OCM: variants seen among roughly 807,000 people sequenced by gnomAD.
OCM encodes the protein oncomodulin-1.
Under a neutral mutation model 14.1 loss-of-function variants are expected in OCM, and 18 were observed. The ratio of observed to expected loss-of-function variants is 1.28; its 90% confidence interval spans 0.88 to 1.89. The LOEUF (loss-of-function observed/expected upper bound fraction) is 1.89. OCM is among the 40% of genes most tolerant of loss of function. The pLI is 0.00. For missense variants in OCM, 140 were observed against 137.6 expected (o/e 1.02, Z -0.09); for synonymous variants, 48 against 51.0 (o/e 0.94, Z 0.25).
upstream of OCM, chr7:5,880,687 A>G (rs1305833286): frequency 1.2e-5 from 6 of 504,356 alleles, no homozygotes; most frequent in Non-Finnish European, 2.1e-5. Flanking sequence ...TGAGCCCAGG[A>G]GGCGGAGGTT....
chr7:5,863,323 G>T, the OCM span, among the ~76,000 whole-genome samples: 1 of 152,032 alleles, frequency 6.6e-6, no homozygotes, highest in African/African-American at 2.4e-5. Flanking sequence ...TCAAACTGCT[G>T]CATCAACCTC....
At chr7:5,864,041 A>G in the OCM span, among the ~76,000 whole-genome samples, 9,150 of 151,898 alleles carry the variant, frequency 0.06, 493 homozygotes, top group Admixed American at 0.19. Flanking sequence ...TCTGGGGAAC[A>G]AGGGGGGCAA....
the OCM span, among the ~76,000 whole-genome samples, chr7:5,870,750 G>C: frequency 4.6e-5 from 7 of 152,120 alleles, no homozygotes; most frequent in Non-Finnish European, 1.0e-4. Context: ...CAGCACAGAG[G>C]TTTAACACAT....
At chr7:5,877,598 C>T (rs1042620151), upstream of OCM, among the ~76,000 whole-genome samples, 1 of 151,916 alleles carries the variant, frequency 6.6e-6, no homozygotes, top group African/African-American at 2.4e-5. Flanking sequence ...GCAGGTGGAT[C>T]ACTTGAGATC....
At chr7:5,873,342 A>C in the OCM span, among the ~76,000 whole-genome samples, 4 of 152,002 alleles carry the variant, frequency 2.6e-5, no homozygotes. Flanking sequence ...TTGCCATTGC[A>C]CTCCAGACTG....
chr7:5,862,600 A>G, the OCM span, among the ~76,000 whole-genome samples: 28,327 of 151,818 alleles, frequency 0.19, 2,967 homozygotes, highest in East Asian at 0.42. Context: ...CCCTCTTTTC[A>G]TGTTTACTTT....
At chr7:5,885,160 TAAAC>T (rs1453560763) in intron 3 of OCM, among the ~76,000 whole-genome samples, 1 of 151,040 alleles carries the variant, frequency 6.6e-6, no homozygotes, top group Non-Finnish European at 1.5e-5. Context: ...GATTTCCAAA[TAAAC>T]AAAGCTTACC....
the OCM span, among the ~76,000 whole-genome samples, chr7:5,870,238 A>T: frequency 3.3e-5 from 5 of 151,980 alleles, no homozygotes; most frequent in African/African-American, 1.2e-4. Flanking sequence ...AGGCTCCTGA[A>T]TAGCTGGGAC....
At chr7:5,883,755 C>G (rs774635837) in intron 2 of OCM, 135 bp from the exon 3 acceptor site, 15 of 907,044 alleles carry the variant, frequency 1.7e-5, no homozygotes, top group Non-Finnish European at 2.1e-5. Flanking sequence ...CTTAAGGAAA[C>G]CTTTGCTTGC....
At chr7:5,882,659 C>T in intron 2 of OCM, 34 bp downstream of exon 2, 1 of 1,611,906 alleles carries the variant, frequency 6.2e-7, no homozygotes, top group Non-Finnish European at 8.5e-7. Flanking sequence ...TGGTACCCGG[C>T]ACTGCTGAGT....
chr7:5,884,460 A>T (rs972190034), intron 3 of OCM, among the ~76,000 whole-genome samples: 12 of 152,218 alleles, frequency 7.9e-5, no homozygotes, highest in African/African-American at 2.9e-4. Flanking sequence ...ATTTTATTGG[A>T]CATTAGCCCG....
the OCM span, among the ~76,000 whole-genome samples, chr7:5,870,553 A>G: frequency 6.6e-6 from 1 of 152,214 alleles, no homozygotes; most frequent in Non-Finnish European, 1.5e-5. Flanking sequence ...CCGTGTAGGA[A>G]AAGCAGGGAA....
the OCM span, among the ~76,000 whole-genome samples, chr7:5,862,430 A>T: frequency 6.6e-6 from 1 of 151,954 alleles, no homozygotes; most frequent in Non-Finnish European, 1.5e-5. Context: ...TTCAGGATAC[A>T]TCTCCCCCTA....
At chr7:5,865,955 ATCACT>A in the OCM span, among the ~76,000 whole-genome samples, 601 of 152,216 alleles carry the variant, frequency 3.9e-3, 4 homozygotes, top group African/African-American at 0.012. Flanking sequence ...AAAGATTTTA[ATCACT>A]TCAGTCCCAT....
chr7:5,881,015 A>G, intron 1 of OCM, 65 bp downstream of exon 1: 4 of 1,538,408 alleles, frequency 2.6e-6, no homozygotes, highest in East Asian at 4.5e-5. Context: ...GAGTCAACAC[A>G]AAATCAAAAT....
chr7:5,874,223 C>CAA, the OCM span, among the ~76,000 whole-genome samples: 386 of 31,504 alleles, frequency 0.012, 66 homozygotes, highest in African/African-American at 0.037. Context: ...GACTCTGTCT[C>CAA]AAAAAAAAAA....
chr7:5,868,710 G>A, the OCM span, among the ~76,000 whole-genome samples: 17 of 152,146 alleles, frequency 1.1e-4, no homozygotes, highest in African/African-American at 4.1e-4. Context: ...CACTGGGAAC[G>A]TGAAGTCTGA....
At chr7:5,861,888 A>G in the OCM span, among the ~76,000 whole-genome samples, 3 of 151,874 alleles carry the variant, frequency 2.0e-5, no homozygotes, top group East Asian at 5.8e-4. Context: ...CTACTTTTTA[A>G]TTTAAAAAAA....
chr7:5,877,135 T>C (rs1488745845), upstream of OCM, among the ~76,000 whole-genome samples: 1 of 151,998 alleles, frequency 6.6e-6, no homozygotes, highest in Non-Finnish European at 1.5e-5. Flanking sequence ...CCACTGTATG[T>C]TTCTGATTGC....
Sources: allele counts gnomAD v4.1 joint callset (sites outside exome capture counted in the v4.1 genomes callset), GRCh38; gene constraint gnomAD v4.1.1; transcripts MANE v1.5; gene names NCBI Gene and HGNC (gene_info 2026-07-23, HGNC 2026-07-21).